Variants in ARHGAP15 observed in about 807,000 individuals in gnomAD.
ARHGAP15 encodes Rho GTPase activating protein 15.
A neutral mutation model predicts 63.7 loss-of-function variants in ARHGAP15; 51 were observed. The observed-to-expected ratio is 0.80, with a 90% confidence interval of 0.64 to 1.01. The LOEUF (loss-of-function observed/expected upper bound fraction) is 1.01, where lower values mean the gene tolerates loss of function less well. Among genes scored for constraint, ARHGAP15 ranks in the 50% least tolerant of loss-of-function variants. ARHGAP15 has a pLI of 0.00. For missense variants in ARHGAP15, 560 were observed against 564.6 expected (o/e 0.99, Z 0.08); for synonymous variants, 191 against 193.8 (o/e 0.99, Z 0.12).
intron 6 of ARHGAP15, among the ~76,000 whole-genome samples, chr2:143,257,973 AAG>A (rs1680511198): frequency 6.6e-6 from 1 of 152,132 alleles, no homozygotes; most frequent in Non-Finnish European, 1.5e-5. Flanking sequence ...TTTATTTTTA[AAG>A]AGAGCAGCCA....
intron 10 of ARHGAP15, among the ~76,000 whole-genome samples, chr2:143,550,118 AT>A (rs1695490356): frequency 6.6e-6 from 1 of 152,216 alleles, no homozygotes; most frequent in Non-Finnish European, 1.5e-5. Flanking sequence ...TATGAGTGAC[AT>A]TTTACTGCTA....
intron 10 of ARHGAP15, among the ~76,000 whole-genome samples, chr2:143,528,248 A>G (rs1694365282): frequency 6.6e-6 from 1 of 152,088 alleles, no homozygotes; most frequent in Non-Finnish European, 1.5e-5. Context: ...GAGAATGGTC[A>G]GGCTTAGGCT....
At chr2:143,418,045 A>G (rs1031395297) in intron 6 of ARHGAP15, among the ~76,000 whole-genome samples, 4 of 152,236 alleles carry the variant, frequency 2.6e-5, no homozygotes, top group African/African-American at 9.6e-5. Flanking sequence ...TATTTTGGGT[A>G]CAATAATACT....
intron 6 of ARHGAP15, chr2:143,295,654 G>A (rs560653278): frequency 2.6e-5 from 4 of 152,058 alleles, no homozygotes; most frequent in African/African-American, 9.6e-5. Flanking sequence ...CAAAGTTTCG[G>A]GTAGATAAAG....
intron 7 of ARHGAP15, among the ~76,000 whole-genome samples, chr2:143,436,036 C>T (rs16822547): frequency 0.11 from 16,519 of 151,874 alleles, 1,228 homozygotes; most frequent in African/African-American, 0.21. Context: ...ATACTACATA[C>T]TCCTGTAAAT....
At chr2:143,255,436 C>T (rs887154155) in intron 6 of ARHGAP15, among the ~76,000 whole-genome samples, 4 of 152,012 alleles carry the variant, frequency 2.6e-5, no homozygotes, top group African/African-American at 7.2e-5. Flanking sequence ...TATATTACTT[C>T]TCTGACTTTG....
At chr2:143,357,539 T>G (rs996787273) in intron 6 of ARHGAP15, among the ~76,000 whole-genome samples, 1 of 152,224 alleles carries the variant, frequency 6.6e-6, no homozygotes, top group African/African-American at 2.4e-5. Flanking sequence ...TTGGTTCTTC[T>G]GTGCAGAAAA....
intron 6 of ARHGAP15, among the ~76,000 whole-genome samples, chr2:143,422,279 T>C (rs2105055413): frequency 6.6e-6 from 1 of 152,260 alleles, no homozygotes; most frequent in Non-Finnish European, 1.5e-5. Flanking sequence ...GCACAATAGT[T>C]GATAGTAAGC....
chr2:143,250,634 T>A, intron 6 of ARHGAP15, 34 bp downstream of exon 6: 2 of 1,557,516 alleles, frequency 1.3e-6, no homozygotes, highest in Non-Finnish European at 1.8e-6. Context: ...TTTATTCCTA[T>A]TCTCTCTAAA....
At chr2:143,401,630 G>A (rs1033283969) in intron 6 of ARHGAP15, among the ~76,000 whole-genome samples, 2 of 151,944 alleles carry the variant, frequency 1.3e-5, no homozygotes, top group African/African-American at 4.8e-5. Context: ...TTTTTAGAGT[G>A]TTCAATGTTA....
At chr2:143,461,281 CAAAAAAAA>C (rs70982868) in intron 8 of ARHGAP15, among the ~76,000 whole-genome samples, 2 of 55,054 alleles carry the variant, frequency 3.6e-5, no homozygotes, top group Non-Finnish European at 6.1e-5. Flanking sequence ...CTCTGTCTCT[CAAAAAAAA>C]AAAAAAAAAA....
At chr2:143,724,050 C>T (rs1685176074) in intron 13 of ARHGAP15, among the ~76,000 whole-genome samples, 1 of 87,988 alleles carries the variant, frequency 1.1e-5, no homozygotes, top group African/African-American at 2.9e-5. Flanking sequence ...TATCCACCTT[C>T]ATGTGTGTGT....
chr2:143,540,202 C>A (rs1268139202), intron 10 of ARHGAP15, among the ~76,000 whole-genome samples: 1 of 152,088 alleles, frequency 6.6e-6, no homozygotes, highest in Non-Finnish European at 1.5e-5. Flanking sequence ...AGGATTGCAA[C>A]CCCTGCCTTT....
intron 5 of ARHGAP15, among the ~76,000 whole-genome samples, chr2:143,248,688 C>T (rs964663049): frequency 2.0e-5 from 3 of 152,102 alleles, no homozygotes; most frequent in Non-Finnish European, 4.4e-5. Context: ...ATTTTGTGTC[C>T]ATGTGTTAGC....
At chr2:143,319,749 T>C (rs990034380) in intron 6 of ARHGAP15, among the ~76,000 whole-genome samples, 7 of 152,030 alleles carry the variant, frequency 4.6e-5, no homozygotes, top group Non-Finnish European at 7.3e-5. Context: ...AACTCATCTT[T>C]ATAGGGCCTT....
chr2:143,144,904 G>T (rs1689517706), intron 1 of ARHGAP15, among the ~76,000 whole-genome samples: 1 of 151,970 alleles, frequency 6.6e-6, no homozygotes, highest in African/African-American at 2.4e-5. Flanking sequence ...TAAAATTAAA[G>T]AATAACTTAC....
chr2:143,249,116 A>G (rs533329310), intron 5 of ARHGAP15, among the ~76,000 whole-genome samples: 2 of 150,608 alleles, frequency 1.3e-5, no homozygotes, highest in African/African-American at 5.0e-5. Context: ...GTGAAACAAT[A>G]AAAACTTTTC....
At chr2:143,498,673 C>T (rs1574535523) in intron 9 of ARHGAP15, among the ~76,000 whole-genome samples, 1 of 152,068 alleles carries the variant, frequency 6.6e-6, no homozygotes, top group African/African-American at 2.4e-5. Flanking sequence ...ACCCAGAGCT[C>T]CCACCCCCCA....
At chr2:143,738,257 A>C (rs1396341689) in intron 13 of ARHGAP15, among the ~76,000 whole-genome samples, 1 of 136,384 alleles carries the variant, frequency 7.3e-6, no homozygotes, top group Non-Finnish European at 1.7e-5. Flanking sequence ...CAGGAAGTTA[A>C]ATTTTTTTTT....
Sources: allele counts gnomAD v4.1 joint callset (sites outside exome capture counted in the v4.1 genomes callset), GRCh38; gene constraint gnomAD v4.1.1; transcripts MANE v1.5; gene names NCBI Gene and HGNC (gene_info 2026-07-23, HGNC 2026-07-21).